COX6C: variants seen among roughly 807,000 people sequenced by gnomAD.
COX6C encodes the protein cytochrome c oxidase subunit 6C, also known as cytochrome c oxidase polypeptide VIc.
Under a neutral mutation model 6.9 loss-of-function variants are expected in COX6C, and 3 were observed. The observed-to-expected ratio is 0.43, with a 90% CI of 0.20 to 1.12. COX6C has a LOEUF of 1.12. Among genes scored for constraint, COX6C ranks in the 50% most tolerant of loss-of-function variants. The pLI is 0.27. For synonymous variants in COX6C, 32 were observed against 32.0 expected (o/e 1.00, Z 0.00); for missense variants, 101 against 97.3 (o/e 1.04, Z -0.16).
intron 3 of COX6C, among the ~76,000 whole-genome samples, chr8:99,883,467 A>T (rs1236179467): frequency 1.4e-4 from 20 of 143,906 alleles, no homozygotes; most frequent in African/African-American, 5.0e-4. Context: ...ATATATATAT[A>T]TATATTTTTT....
At chr8:99,878,567 C>A (rs7844439) in intron 3 of COX6C, 36,312 of 150,644 alleles carry the variant, frequency 0.24, 5,467 homozygotes, top group African/African-American at 0.42. Context: ...TCTATGCCCA[C>A]CACCGCCCCC....
intron 2 of COX6C, among the ~76,000 whole-genome samples, chr8:99,889,068 T>C (rs1817991829): frequency 6.6e-6 from 1 of 152,206 alleles, no homozygotes; most frequent in Admixed American, 6.5e-5. Flanking sequence ...TTCCTCCTGG[T>C]CATGACACAA....
At position 99,887,557 on chromosome 8, in the gene COX6C, A is replaced by G. The variant is rs775916679; in HGVS notation, c.176T>C (p.Met59Thr). The change falls in exon 3 of 4, where the codon ATG (methionine) becomes ACG (threonine). Residue 59 changes from methionine to threonine, a missense_variant. Coordinates refer to ENST00000520468, the MANE Select transcript of COX6C (RefSeq NM_004374.4). ...YADFYRNYDV[M>T]KDFEEMRKAG... ...CTTCCTCATCTCCTCAAAATCTTTC[A>G]TGACATCGTAGTTTCTGTAGAAATC... The G allele has an allele frequency of 6.2e-6, 10 of 1,611,470 alleles. No individual in the cohort carries two copies. Among genetic ancestry groups the G allele is most frequent in the African/African-American group, 2.7e-5 (2 of 74,736 alleles).
intron 3 of COX6C, 113 bp downstream of exon 3, chr8:99,887,377 C>A: frequency 1.9e-6 from 1 of 535,470 alleles, no homozygotes; most frequent in Non-Finnish European, 3.2e-6. Flanking sequence ...ACTTCCACAC[C>A]ATCGTAAAGT....
intron 2 of COX6C, among the ~76,000 whole-genome samples, chr8:99,890,403 T>A (rs957435577): frequency 1.3e-5 from 2 of 152,182 alleles, no homozygotes; most frequent in African/African-American, 4.8e-5. Context: ...TTTTTTCACC[T>A]CCCCAACTTG....
chr8:99,883,115 G>C (rs1817889912), intron 3 of COX6C, among the ~76,000 whole-genome samples: 1 of 151,790 alleles, frequency 6.6e-6, no homozygotes, highest in Non-Finnish European at 1.5e-5. Context: ...AACCAAGACT[G>C]GATCAGGAAA....
chr8:99,881,032 A>G (rs1817854018), intron 3 of COX6C, among the ~76,000 whole-genome samples: 1 of 152,158 alleles, frequency 6.6e-6, no homozygotes, highest in Admixed American at 6.5e-5. Context: ...GAAAATATAA[A>G]GTTCTCTGGC....
chr8:99,891,452 G>C (rs1445947845), intron 2 of COX6C, among the ~76,000 whole-genome samples: 1 of 152,034 alleles, frequency 6.6e-6, no homozygotes, highest in East Asian at 1.9e-4. Flanking sequence ...CAGGTACCGG[G>C]AGACAGAGTA....
At chr8:99,888,785 C>T (rs1052656984) in intron 2 of COX6C, among the ~76,000 whole-genome samples, 3 of 152,220 alleles carry the variant, frequency 2.0e-5, no homozygotes, top group African/African-American at 7.2e-5. Context: ...TGAGGGAGAG[C>T]TGCACATTTG....
rs752452642 is a variant in COX6C at position 99,892,047 on chromosome 8, G to A, written c.-26C>T. The A allele has an allele frequency of 3.2e-6, 5 of 1,543,770 alleles. No homozygotes were observed. In the South Asian group the frequency reaches 4.6e-5, roughly 14 times the overall value. Reference sequence around the variant, plus strand: ...GGTAGTTACTGTCCTTGATACGTATGCTAACCTTAAGAGATTCAGAAAATA... The same window carrying A: ...GGTAGTTACTGTCCTTGATACGTATACTAACCTTAAGAGATTCAGAAAATA... On this transcript the variant is annotated 5_prime_UTR_variant, in exon 2 of 4. Coordinates refer to ENST00000520468, the MANE Select transcript of COX6C (RefSeq NM_004374.4).
At chr8:99,888,894 GAGCCTAGTCTCTTCAGCTCCTGTGTGGT>G (rs1297185384) in intron 2 of COX6C, among the ~76,000 whole-genome samples, 1 of 152,222 alleles carries the variant, frequency 6.6e-6, no homozygotes, top group Non-Finnish European at 1.5e-5. Flanking sequence ...CAGTGGGGAG[GAGCCTAGTCTCTTCAGCTCCTGTGTGGT>G]AGCCTAGTAT....
At chr8:99,881,103 T>C (rs556121461) in intron 3 of COX6C, among the ~76,000 whole-genome samples, 3 of 152,350 alleles carry the variant, frequency 2.0e-5, no homozygotes, top group Non-Finnish European at 2.9e-5. Flanking sequence ...CTCATGCCTG[T>C]TATCCCAGGA....
intron 3 of COX6C, chr8:99,887,036 C>T (rs1351156168): frequency 6.6e-6 from 1 of 152,270 alleles, no homozygotes; most frequent in Non-Finnish European, 1.5e-5. Flanking sequence ...ATAAAACCAT[C>T]ATAAGTTTAA....
intron 3 of COX6C, among the ~76,000 whole-genome samples, chr8:99,879,071 C>A (rs1313529132): frequency 6.6e-6 from 1 of 152,190 alleles, no homozygotes; most frequent in Non-Finnish European, 1.5e-5. Flanking sequence ...ATTTACAAGG[C>A]ATAAACCCAG....
chr8:99,888,526 A>G (rs978959435), intron 2 of COX6C, among the ~76,000 whole-genome samples: 1 of 152,192 alleles, frequency 6.6e-6, no homozygotes, highest in Non-Finnish European at 1.5e-5. Context: ...GTGAGCCGAG[A>G]TGGTGACGCT....
At chr8:99,885,064 C>T (rs1338375962) in intron 3 of COX6C, among the ~76,000 whole-genome samples, 1 of 152,168 alleles carries the variant, frequency 6.6e-6, no homozygotes, top group Non-Finnish European at 1.5e-5. Context: ...AAAGAAAGAA[C>T]AAAGCTAGAG....
chr8:99,881,998 A>T (rs1216545999), intron 3 of COX6C, among the ~76,000 whole-genome samples: 1 of 152,228 alleles, frequency 6.6e-6, no homozygotes, highest in East Asian at 1.9e-4. Flanking sequence ...GACAAAAAAG[A>T]ACATTCTATA....
chr8:99,883,429 A>ATATGTGTG (rs1554593054), intron 3 of COX6C, among the ~76,000 whole-genome samples: 13 of 145,852 alleles, frequency 8.9e-5, no homozygotes, highest in African/African-American at 3.4e-4. Context: ...GTGTGTATAT[A>ATATGTGTG]TGTATGTGTG....
chr8:99,893,389 G>A (rs1266002899), intron 1 of COX6C: 2 of 152,256 alleles, frequency 1.3e-5, no homozygotes, highest in African/African-American at 4.8e-5. Context: ...AAGCCAGCTG[G>A]GTTCTCGAGG....
Sources: allele counts gnomAD v4.1 joint callset (sites outside exome capture counted in the v4.1 genomes callset), GRCh38; gene constraint gnomAD v4.1.1; transcripts MANE v1.5; gene names NCBI Gene and HGNC (gene_info 2026-07-23, HGNC 2026-07-21).